Variants in LZTFL1 observed in about 807,000 individuals in gnomAD.
LZTFL1 encodes the protein leucine zipper transcription factor-like protein 1.
Under a neutral mutation model 45.9 loss-of-function variants are expected in LZTFL1, and 25 were observed. The ratio of observed to expected loss-of-function variants is 0.54; its 90% CI spans 0.40 to 0.76. The LOEUF is 0.76. Ranked by LOEUF, LZTFL1 falls within the 30% of genes least tolerant of loss-of-function variation. The pLI is 0.00. For synonymous variants in LZTFL1, 93 were observed against 117.4 expected, an observed-to-expected ratio of 0.79 and a Z score of 1.35; for missense variants, 277 against 331.1, an observed-to-expected ratio of 0.84 and a Z score of 1.27.
At chr3:45,831,366 AG>A (rs1205560241) in intron 5 of LZTFL1, among the ~76,000 whole-genome samples, 5 of 152,132 alleles carry the variant, frequency 3.3e-5, no homozygotes, top group Non-Finnish European at 7.4e-5. Flanking sequence ...TCAGTTTCTC[AG>A]ACACATCTTC....
At chr3:45,864,886 A>G (rs1701552912) in intron 2 of LZTFL1, among the ~76,000 whole-genome samples, 1 of 152,212 alleles carries the variant, frequency 6.6e-6, no homozygotes, top group Non-Finnish European at 1.5e-5. Flanking sequence ...TCCAGAGCTG[A>G]AAGTTGAAGA....
intron 2 of LZTFL1, among the ~76,000 whole-genome samples, chr3:45,880,666 T>A (rs1701840835): frequency 6.6e-6 from 1 of 152,196 alleles, no homozygotes; most frequent in Admixed American, 6.5e-5. Flanking sequence ...TCCTCCTGCC[T>A]GTTGGTCTTT....
At chr3:45,894,354 C>T (rs938933571) in intron 2 of LZTFL1, among the ~76,000 whole-genome samples, 25 of 152,320 alleles carry the variant, frequency 1.6e-4, no homozygotes, top group African/African-American at 6.0e-4. Context: ...CCCCAGTGGG[C>T]ACCACCCAGC....
chr3:45,862,032 C>G (rs1701499699), intron 2 of LZTFL1, among the ~76,000 whole-genome samples: 1 of 152,148 alleles, frequency 6.6e-6, no homozygotes, highest in Admixed American at 6.5e-5. Context: ...AAATAAAAAT[C>G]ATATACGACC....
At chr3:45,829,523 G>A (rs1282193469) in intron 7 of LZTFL1, among the ~76,000 whole-genome samples, 1 of 148,906 alleles carries the variant, frequency 6.7e-6, no homozygotes, top group Non-Finnish European at 1.5e-5. Flanking sequence ...AGGATCGCTT[G>A]AGCCGGTGAG....
intron 9 of LZTFL1, 129 bp from the exon 10 acceptor site, chr3:45,826,461 T>TG: frequency 1.3e-6 from 1 of 770,696 alleles, no homozygotes; most frequent in Non-Finnish European, 2.2e-6. Flanking sequence ...GTTGGACACA[T>TG]TCAACTTTGT....
chr3:45,913,896 C>CT (rs1422390313), intron 1 of LZTFL1, among the ~76,000 whole-genome samples: 2 of 152,136 alleles, frequency 1.3e-5, no homozygotes, highest in Non-Finnish European at 2.9e-5. Flanking sequence ...CAGAAATGAT[C>CT]TGCCAGTTGG....
intron 2 of LZTFL1, among the ~76,000 whole-genome samples, chr3:45,903,911 G>C (rs189389280): frequency 1.4e-3 from 211 of 152,342 alleles, no homozygotes; most frequent in African/African-American, 4.4e-3. Flanking sequence ...AGGAACTTGA[G>C]AGAATAAAAA....
chr3:45,841,918 C>T (rs1351818074), intron 1 of LZTFL1, 71 bp downstream of exon 1: 1 of 1,573,116 alleles, frequency 6.4e-7, no homozygotes, highest in Admixed American at 1.7e-5. Context: ...CGGGCCCACC[C>T]GCTCAGTGTC....
chr3:45,892,863 T>A (rs2125746569), intron 2 of LZTFL1, among the ~76,000 whole-genome samples: 1 of 152,306 alleles, frequency 6.6e-6, no homozygotes, highest in Admixed American at 6.5e-5. Flanking sequence ...GAGGAAGTTC[T>A]GGTTGCTTTC....
At chr3:45,899,352 T>A (rs1702471934) in intron 2 of LZTFL1, among the ~76,000 whole-genome samples, 1 of 152,238 alleles carries the variant, frequency 6.6e-6, no homozygotes, top group African/African-American at 2.4e-5. Context: ...AGATGGATAT[T>A]ACAATGTATA....
At chr3:45,877,499 G>A (rs903992845) in intron 2 of LZTFL1, among the ~76,000 whole-genome samples, 6 of 152,158 alleles carry the variant, frequency 3.9e-5, no homozygotes, top group Admixed American at 6.5e-5. Flanking sequence ...CCCCCAAAGT[G>A]TTGGGTTTAC....
In LZTFL1 at chr3:45,854,692, A is replaced by G. The variant is rs538449870; in HGVS notation, c.-49+294T>C. ...AAAACTATTTACATTCAACACATCT[A>G]AAGAGAACTCATAATCCATCAGTGT... On this transcript the variant is annotated intron_variant, in intron 4 of 4. Coordinates refer to the LZTFL1 transcript ENST00000472635. 2.0e-5 allele frequency among the ~76,000 whole-genome samples: 3 copies of G among 152,344 alleles called. No individual in the cohort carries two copies. In the South Asian group the frequency reaches 6.2e-4, roughly 32 times the overall value.
chr3:45,903,068 T>C (rs201516611), intron 2 of LZTFL1: 1 of 167,262 alleles, frequency 6.0e-6, no homozygotes, highest in African/African-American at 2.4e-5. Context: ...ATTTCACATA[T>C]TGGAAAAGTG....
chr3:45,884,651 G>T (rs999814062), intron 2 of LZTFL1, among the ~76,000 whole-genome samples: 14 of 152,142 alleles, frequency 9.2e-5, no homozygotes, highest in African/African-American at 3.1e-4. Flanking sequence ...TGTCTACCTT[G>T]TATGCTCTTA....
At chr3:45,855,333 G>A (rs1446408841) in intron 3 of LZTFL1, among the ~76,000 whole-genome samples, 2 of 152,128 alleles carry the variant, frequency 1.3e-5, no homozygotes, top group Non-Finnish European at 2.9e-5. Context: ...CTCAATAGAG[G>A]CGGAAAAGGC....
chr3:45,845,674 T>C (rs1205759668), upstream of LZTFL1, among the ~76,000 whole-genome samples: 1 of 152,242 alleles, frequency 6.6e-6, no homozygotes, highest in Non-Finnish European at 1.5e-5. Context: ...TTCCTAGATC[T>C]GTGGTCTTCA....
chr3:45,826,197 T>C lies in LZTFL1; in HGVS notation c.*117A>G. On this transcript the variant is annotated 3_prime_UTR_variant, in exon 10 of 10. Coordinates refer to ENST00000296135, the MANE Select transcript of LZTFL1 (RefSeq NM_020347.4). ...GAACTCTAGTTCTAAATATTCAAAG[T>C]CTAAATATTAGAAAAATAAGGAGAG... 1.1e-6 allele frequency: 1 copy of C among 885,220 alleles called. No individual in the cohort carries two copies. The highest frequency in any genetic ancestry group is 2.2e-5 in the Admixed American group (1 of 45,834). The allele number at this position is 885,220 out of a possible 1,614,324, so 54.8% of individuals were successfully genotyped here.
At chr3:45,903,454 T>C (rs1181088627) in intron 2 of LZTFL1, among the ~76,000 whole-genome samples, 2 of 152,230 alleles carry the variant, frequency 1.3e-5, no homozygotes, top group Admixed American at 6.5e-5. Flanking sequence ...GGAGGACTAT[T>C]GGAACAGCAC....
Sources: allele counts gnomAD v4.1 joint callset (sites outside exome capture counted in the v4.1 genomes callset), GRCh38; gene constraint gnomAD v4.1.1; transcripts MANE v1.5; gene names NCBI Gene and HGNC (gene_info 2026-07-23, HGNC 2026-07-21).